MYOF: variants seen among roughly 807,000 people sequenced by gnomAD.
The protein encoded by MYOF is fer-1-like 3, myoferlin.
Under a neutral mutation model 284.2 loss-of-function variants are expected in MYOF, and 244 were observed. The observed-to-expected ratio is 0.86, with a 90% CI of 0.77 to 0.95. MYOF has a LOEUF of 0.95. Among genes scored for constraint, MYOF ranks in the 40% least tolerant of loss-of-function variants. The probability of loss-of-function intolerance (pLI) is 0.00; values close to 1 mark genes in which losing one functional copy is unlikely to be tolerated. For synonymous variants in MYOF, 904 were observed against 919.7 expected (o/e 0.98, Z 0.31); for missense variants, 2,496 against 2,560.6 (o/e 0.97, Z 0.54).
At chr10:93,329,573 G>GA in intron 44 of MYOF, 91 bp downstream of exon 44, 1 of 1,357,590 alleles carries the variant, frequency 7.4e-7, no homozygotes, top group East Asian at 2.3e-5. Flanking sequence ...GTGGCTCAGT[G>GA]AAGGAAGGCA....
At chr10:93,475,085 G>C (rs2057230738) in intron 1 of MYOF, among the ~76,000 whole-genome samples, 1 of 152,200 alleles carries the variant, frequency 6.6e-6, no homozygotes, top group African/African-American at 2.4e-5. Flanking sequence ...TGAGCAACTA[G>C]GGATGGCCAC....
In MYOF at chr10:93,401,491, T is replaced by A. The variant is rs1847290503; in HGVS notation, c.1044A>T (p.Leu348Phe). 2 of 1,613,842 alleles carry A rather than the reference T, an allele frequency of 1.2e-6. No homozygotes were observed. The highest frequency in any genetic ancestry group is 1.7e-6 in the Non-Finnish European group (2 of 1,179,938). ...ACCGGAGGGCAATGCCAGCAGGGAG[T>A]AACAAATTACTCTCCACATCATCAC... ...NDSDDVESNL[L>F]LPAGIALRWV... is the part of the protein sequence containing the mutation. The change falls in exon 12 of 54, where the codon TTA becomes TTT. Residue 348 changes from leucine to phenylalanine, a missense_variant. Around this residue, in one of 3 missense-constraint regions of MYOF, gnomAD observed 2,436 missense variants for 2,480.7 expected, o/e 0.98. Coordinates refer to ENST00000359263, the MANE Select transcript of MYOF (RefSeq NM_013451.4).
chr10:93,326,887 A>G (rs1843072155), intron 45 of MYOF, among the ~76,000 whole-genome samples: 1 of 152,048 alleles, frequency 6.6e-6, no homozygotes, highest in South Asian at 2.1e-4. Flanking sequence ...GGCCTCCCAA[A>G]GTGCTGGGAT....
intron 1 of MYOF, among the ~76,000 whole-genome samples, chr10:93,462,739 A>C (rs1465422559): frequency 7.7e-6 from 1 of 130,126 alleles, no homozygotes; most frequent in African/African-American, 3.2e-5. Context: ...CACATCAGGC[A>C]AAAAAAAAAA....
intron 49 of MYOF, among the ~76,000 whole-genome samples, chr10:93,318,770 A>AAAT (rs1842730234): frequency 6.6e-6 from 1 of 152,098 alleles, no homozygotes; most frequent in Non-Finnish European, 1.5e-5. Flanking sequence ...AAAAAACAAA[A>AAAT]AATAGTGCTT....
intron 4 of MYOF, among the ~76,000 whole-genome samples, chr10:93,426,400 G>A (rs532936882): frequency 6.6e-6 from 1 of 152,270 alleles, no homozygotes; most frequent in Admixed American, 6.5e-5. Context: ...TCCTTGCTAA[G>A]GGGCCACCTC....
intron 49 of MYOF, among the ~76,000 whole-genome samples, chr10:93,319,206 G>A (rs1042046144): frequency 6.6e-6 from 1 of 152,222 alleles, no homozygotes; most frequent in African/African-American, 2.4e-5. Flanking sequence ...TTGCGGGGAG[G>A]ACAGGATGTG....
intron 5 of MYOF, 176 bp downstream of exon 5, chr10:93,425,895 A>G (rs2134191629): frequency 1.6e-6 from 1 of 623,804 alleles, no homozygotes; most frequent in Non-Finnish European, 2.8e-6. Flanking sequence ...AGGGCATTTC[A>G]TAAACAATTG....
chr10:93,412,018 C>T (rs1390889634), intron 5 of MYOF, among the ~76,000 whole-genome samples: 2 of 152,220 alleles, frequency 1.3e-5, no homozygotes, highest in African/African-American at 4.8e-5. Flanking sequence ...CCTCACTTCA[C>T]ACTTCCTTCA....
rs528232208 is a variant in MYOF at position 93,347,306 on chromosome 10, A to G, written c.4249+311T>C. ...GGTGGCTCACGCCTGTAATCCCAGC[A>G]CTTTGGGAGGCCGAGGCGGGTGGAT... On this transcript the variant is annotated intron_variant, in intron 37 of 53. Transcript: ENST00000359263. Among the ~76,000 whole-genome samples the G allele has an allele frequency of 3.3e-4, 50 of 150,972 alleles. No individual in the cohort carries two copies. The South Asian group carries it at 9.5e-3, about 29-fold the overall frequency.
chr10:93,475,531 G>C (rs945434826), intron 1 of MYOF, among the ~76,000 whole-genome samples: 10 of 152,160 alleles, frequency 6.6e-5, no homozygotes, highest in African/African-American at 2.4e-4. Context: ...AAACGTAAAG[G>C]GCAATTGGAT....
intron 48 of MYOF, 28 bp downstream of exon 48, chr10:93,323,050 G>C: frequency 3.1e-6 from 5 of 1,589,964 alleles, no homozygotes; most frequent in Non-Finnish European, 4.3e-6. Flanking sequence ...CCCTGAGCTT[G>C]GCAAAGTCTC....
chr10:93,346,388 C>T (rs1844184367), intron 37 of MYOF, among the ~76,000 whole-genome samples: 1 of 152,220 alleles, frequency 6.6e-6, no homozygotes, highest in Admixed American at 6.5e-5. Context: ...TTGAAGCCAC[C>T]AAGGATCAGC....
intron 5 of MYOF, among the ~76,000 whole-genome samples, chr10:93,422,771 G>C (rs968014020): frequency 2.0e-5 from 3 of 152,072 alleles, no homozygotes; most frequent in Non-Finnish European, 4.4e-5. Flanking sequence ...ACTCCGGCCT[G>C]GGTGACAAAG....
intron 3 of MYOF, among the ~76,000 whole-genome samples, chr10:93,433,082 A>G (rs1230814275): frequency 6.6e-6 from 1 of 152,232 alleles, no homozygotes. Flanking sequence ...AAATCCAATC[A>G]GAAAGACAAG....
At chr10:93,481,575 A>G (rs1228327739) in intron 1 of MYOF, among the ~76,000 whole-genome samples, 2 of 152,170 alleles carry the variant, frequency 1.3e-5, no homozygotes, top group African/African-American at 4.8e-5. Flanking sequence ...AAGCTCCCCA[A>G]CAGTTTAGAT....
chr10:93,466,905 G>A (rs1461426974), intron 1 of MYOF, among the ~76,000 whole-genome samples: 1 of 152,170 alleles, frequency 6.6e-6, no homozygotes, highest in Non-Finnish European at 1.5e-5. Context: ...TTGAGCCCTA[G>A]AGATCAAGGC....
At chr10:93,322,962 T>TA (rs1395151175) in intron 48 of MYOF, 116 bp downstream of exon 48, 2 of 1,049,732 alleles carry the variant, frequency 1.9e-6, no homozygotes, top group Admixed American at 1.8e-5. Context: ...ATTAATGAGA[T>TA]AAAATAACCT....
intron 41 of MYOF, among the ~76,000 whole-genome samples, chr10:93,334,747 A>G (rs1392265020): frequency 2.6e-5 from 4 of 152,186 alleles, no homozygotes; most frequent in Non-Finnish European, 4.4e-5. Flanking sequence ...GCATGGAATA[A>G]GCACCTACTA....
Sources: allele counts gnomAD v4.1 joint callset (sites outside exome capture counted in the v4.1 genomes callset), GRCh38; gene constraint gnomAD v4.1.1; regional missense constraint gnomAD v4.1.1; transcripts MANE v1.5; gene names NCBI Gene and HGNC (gene_info 2026-07-23, HGNC 2026-07-21).